The following CACHD1 variants were observed in gnomAD, a reference collection of about 807,000 sequenced individuals.
The protein encoded by CACHD1 is VWFA and cache domain-containing protein 1.
In CACHD1, 71 loss-of-function variants were observed where a neutral mutation model predicts 138.7. That is an observed-to-expected ratio of 0.51 (90% CI 0.42 to 0.62). The LOEUF is 0.62. Ranked by LOEUF, CACHD1 falls within the 20% of genes least tolerant of loss-of-function variation. CACHD1 has a pLI of 0.00. For missense variants in CACHD1, 1,389 were observed against 1,625.3 expected (o/e 0.85, Z 2.50); for synonymous variants, 578 against 591.5 (o/e 0.98, Z 0.33).
intron 1 of CACHD1, among the ~76,000 whole-genome samples, chr1:64,479,943 A>C (rs1388875245): frequency 6.6e-6 from 1 of 152,186 alleles, no homozygotes; most frequent in Admixed American, 6.5e-5. Context: ...AACTCAGCCA[A>C]AGTGACTTCA....
At chr1:64,485,670 T>A (rs1173367642) in intron 1 of CACHD1, among the ~76,000 whole-genome samples, 1 of 152,182 alleles carries the variant, frequency 6.6e-6, no homozygotes, top group Non-Finnish European at 1.5e-5. Context: ...AGCCTCCACC[T>A]CCTGGACTCA....
At chr1:64,577,178 T>C (rs1019181787) in intron 2 of CACHD1, among the ~76,000 whole-genome samples, 4 of 152,256 alleles carry the variant, frequency 2.6e-5, no homozygotes, top group Non-Finnish European at 4.4e-5. Context: ...ACTCTTGGGC[T>C]CAAGTGATCC....
Position 64,664,574 on chromosome 1 carries a change from T to G in CACHD1, c.2171T>G (p.Leu724Arg), listed in dbSNP as rs1446597455. The G allele has an allele frequency of 6.2e-7, 1 of 1,614,206 alleles. No homozygotes were observed. The highest frequency in any genetic ancestry group is 1.7e-5 in the Admixed American group (1 of 60,024). ...EWMTQMEMSS[L>R]NTYIVRRYIA... Reference sequence around the variant, plus strand: ...ATGACACAAATGGAAATGAGTAGCCTGAACACTTACATTGTCCGCCGTTAC... The same window carrying G: ...ATGACACAAATGGAAATGAGTAGCCGGAACACTTACATTGTCCGCCGTTAC... The change falls in exon 15 of 27, where the codon CTG becomes CGG. Residue 724 changes from leucine to arginine, a missense_variant. Transcript: ENST00000651257.
At chr1:64,509,736 T>C (rs1390598281) in intron 1 of CACHD1, among the ~76,000 whole-genome samples, 2 of 152,176 alleles carry the variant, frequency 1.3e-5, no homozygotes, top group Admixed American at 6.5e-5. Context: ...CAAAACCTAA[T>C]CTAGATACCT....
At chr1:64,543,995 T>A (rs1268421855) in intron 1 of CACHD1, among the ~76,000 whole-genome samples, 2 of 151,800 alleles carry the variant, frequency 1.3e-5, no homozygotes, top group African/African-American at 2.4e-5. Context: ...CCATGATTTT[T>A]AAAAAAATTT....
At chr1:64,490,820 C>T (rs1646270416) in intron 1 of CACHD1, among the ~76,000 whole-genome samples, 1 of 152,176 alleles carries the variant, frequency 6.6e-6, no homozygotes, top group African/African-American at 2.4e-5. Flanking sequence ...TACTTTGTAT[C>T]ATGCTTTTTC....
intron 1 of CACHD1, among the ~76,000 whole-genome samples, chr1:64,525,684 A>C (rs1646532974): frequency 6.6e-6 from 1 of 152,238 alleles, no homozygotes; most frequent in Admixed American, 6.5e-5. Context: ...CCACAGGTGC[A>C]ATGGCCTTAA....
chr1:64,580,839 A>T (rs1647006831), intron 2 of CACHD1, among the ~76,000 whole-genome samples: 1 of 152,178 alleles, frequency 6.6e-6, no homozygotes, highest in African/African-American at 2.4e-5. Context: ...ATGTCCCCTG[A>T]GGGTGGCAAA....
intron 4 of CACHD1, among the ~76,000 whole-genome samples, chr1:64,615,096 C>T (rs962175153): frequency 2.0e-5 from 3 of 152,148 alleles, no homozygotes; most frequent in Admixed American, 6.5e-5. Flanking sequence ...CCTCCATCAC[C>T]GCTCCGTACT....
At chr1:64,558,439 C>T (rs1192160896) in intron 2 of CACHD1, among the ~76,000 whole-genome samples, 1 of 152,198 alleles carries the variant, frequency 6.6e-6, no homozygotes, top group African/African-American at 2.4e-5. Context: ...CTTCCATGCT[C>T]CTGATTTTCC....
chr1:64,540,544 AAAC>A (rs1188031591), intron 1 of CACHD1, among the ~76,000 whole-genome samples: 2 of 152,210 alleles, frequency 1.3e-5, no homozygotes, highest in Non-Finnish European at 2.9e-5. Context: ...TTGAAAGCCA[AAAC>A]AACAACAAAA....
chr1:64,608,527 A>G (rs932071522), intron 4 of CACHD1, among the ~76,000 whole-genome samples: 2 of 152,348 alleles, frequency 1.3e-5, no homozygotes, highest in South Asian at 2.1e-4. Context: ...CACATAAATT[A>G]TAAACCATTC....
intron 1 of CACHD1, among the ~76,000 whole-genome samples, chr1:64,475,098 T>C (rs923954205): frequency 6.6e-6 from 1 of 151,700 alleles, no homozygotes; most frequent in Non-Finnish European, 1.5e-5. Context: ...ATGTTGTAAA[T>C]ACTGACTACA....
chr1:64,502,402 C>T (rs1056368206), intron 1 of CACHD1, among the ~76,000 whole-genome samples: 35 of 152,288 alleles, frequency 2.3e-4, no homozygotes, highest in African/African-American at 8.2e-4. Context: ...ATAATGTACA[C>T]TGGTGTACAT....
At chr1:64,485,781 A>C (rs1646238519) in intron 1 of CACHD1, among the ~76,000 whole-genome samples, 1 of 152,128 alleles carries the variant, frequency 6.6e-6, no homozygotes, top group African/African-American at 2.4e-5. Flanking sequence ...GGGTTTCACC[A>C]TGTTGCCTAG....
In CACHD1 at chr1:64,675,410, A is replaced by G. The variant is rs1488086868; in HGVS notation, c.2737A>G (p.Thr913Ala). ...KFNTSLAGDLTNLVHGSHCSK... is the reference protein window; with the variant it reads ...KFNTSLAGDLANLVHGSHCSK... Reference sequence around the variant, plus strand: ...CTTGATTGTTCTGTAGGGGGATTTGACGAACCTTGTGCATGGCAGCCACTG... The same window carrying G: ...CTTGATTGTTCTGTAGGGGGATTTGGCGAACCTTGTGCATGGCAGCCACTG... Residue 913 changes from threonine to alanine, a missense_variant, in exon 20 of 27, where the codon ACG becomes GCG. Physicochemically the swap from Thr to Ala is moderately conservative, Grantham distance 58. Around this residue, in one of 5 missense-constraint regions of CACHD1, gnomAD observed 50 missense variants for 108.2 expected, o/e 0.46. Coordinates refer to ENST00000651257, the MANE Select transcript of CACHD1 (RefSeq NM_020925.4). 3.8e-6 allele frequency: 6 copies of G among 1,594,550 alleles called. No homozygotes were observed. Among genetic ancestry groups the G allele is most frequent in the Non-Finnish European group, 5.2e-6 (6 of 1,164,238 alleles).
At chr1:64,633,216 G>A (rs1163601718) in intron 6 of CACHD1, among the ~76,000 whole-genome samples, 1 of 152,152 alleles carries the variant, frequency 6.6e-6, no homozygotes, top group Non-Finnish European at 1.5e-5. Context: ...CCATCATAAA[G>A]TCAAACCATT....
At chr1:64,590,770 C>CA (rs1480524170) in intron 3 of CACHD1, among the ~76,000 whole-genome samples, 1 of 152,092 alleles carries the variant, frequency 6.6e-6, no homozygotes, top group African/African-American at 2.4e-5. Flanking sequence ...ATTTTATTTG[C>CA]AGCTACTATG....
At chr1:64,686,112 A>G (rs1650363353) in intron 26 of CACHD1, among the ~76,000 whole-genome samples, 1 of 152,218 alleles carries the variant, frequency 6.6e-6, no homozygotes, top group Non-Finnish European at 1.5e-5. Flanking sequence ...AAATTATGGG[A>G]AACCCCATGG....
Sources: allele counts gnomAD v4.1 joint callset (sites outside exome capture counted in the v4.1 genomes callset), GRCh38; gene constraint gnomAD v4.1.1; regional missense constraint gnomAD v4.1.1; transcripts MANE v1.5; gene names NCBI Gene and HGNC (gene_info 2026-07-23, HGNC 2026-07-21).